Variants in OPHN1 observed in about 807,000 individuals in gnomAD.
The protein encoded by OPHN1 is oligophrenin 1, also known as oligophrenin-1.
A neutral mutation model predicts 60.7 loss-of-function variants in OPHN1; 11 were observed. The observed-to-expected ratio is 0.18, with a 90% CI of 0.11 to 0.30. The LOEUF (loss-of-function observed/expected upper bound fraction) is 0.30. Ranked by LOEUF, OPHN1 falls within the 10% of genes least tolerant of loss-of-function variation. The pLI, the probability that OPHN1 is intolerant of heterozygous loss-of-function variation, is 1.00. For missense variants in OPHN1, 449 were observed against 611.0 expected (o/e 0.73, Z 2.80); for synonymous variants, 226 against 222.6 (o/e 1.02, Z -0.14).
At chrX:68,189,859 T>C (rs756854387) in intron 15 of OPHN1, among the ~76,000 whole-genome samples, 32 of 110,462 alleles carry the variant, frequency 2.9e-4, no homozygotes, top group Non-Finnish European at 4.9e-4. Flanking sequence ...TAGTAAACGA[T>C]AGAAGAAAGC....
At chrX:68,420,883 G>A (rs1165192057) in intron 2 of OPHN1, among the ~76,000 whole-genome samples, 2 of 107,247 alleles carry the variant, frequency 1.9e-5, no homozygotes, top group East Asian at 5.8e-4. Flanking sequence ...TCTCAGCAAA[G>A]AGAGTTCCTG....
intron 2 of OPHN1, among the ~76,000 whole-genome samples, chrX:68,415,256 G>A (rs998373455): frequency 1.1e-4 from 12 of 111,822 alleles, no homozygotes; most frequent in Non-Finnish European, 1.9e-4. Context: ...AAGGTACCAT[G>A]AATAACATGA....
chrX:68,082,805 C>T (rs1039408171), intron 19 of OPHN1, among the ~76,000 whole-genome samples: 7 of 111,884 alleles, frequency 6.3e-5, no homozygotes, highest in Non-Finnish European at 9.4e-5. Flanking sequence ...TCCTGTGAAA[C>T]TTTGAACCCA....
intron 2 of OPHN1, among the ~76,000 whole-genome samples, chrX:68,358,868 A>C (rs1602352811): frequency 8.9e-6 from 1 of 111,896 alleles, no homozygotes; most frequent in Admixed American, 9.6e-5. Context: ...GTCCCAAATC[A>C]CACGACTGTT....
intron 19 of OPHN1, 99 bp from the exon 20 acceptor site, chrX:68,073,398 A>T (rs2076942197): frequency 1.4e-6 from 1 of 722,608 alleles, no homozygotes; most frequent in African/African-American, 2.1e-5. Context: ...TTATATCTAG[A>T]GTTTGTAACG....
intron 5 of OPHN1, among the ~76,000 whole-genome samples, chrX:68,258,061 G>A (rs2077873198): frequency 1.8e-5 from 2 of 109,285 alleles, no homozygotes; most frequent in African/African-American, 3.3e-5. Context: ...GGTTATAGAC[G>A]GGAAGAGAAA....
At chrX:68,115,095 G>A (rs758478641) in intron 16 of OPHN1, among the ~76,000 whole-genome samples, 64 of 112,325 alleles carry the variant, frequency 5.7e-4, no homozygotes, top group African/African-American at 1.9e-3. Context: ...GAGGTCTTCC[G>A]ATATTTCTTC....
In OPHN1 at chrX:68,206,808, G is replaced by A. The variant is rs111310466; in HGVS notation, c.833-135C>T. ...ATCCAGCCCTGCCCTTGCCCTGACC[G>A]CCCTCCTTCCATAGCCACCTACCTA... is the stretch of plus-strand genomic sequence containing the variant. On this transcript the variant is annotated intron_variant, in intron 9 of 24. Coordinates refer to ENST00000355520, the MANE Select transcript of OPHN1 (RefSeq NM_002547.3). 2.4e-3 allele frequency: 1,236 copies of A among 512,054 alleles called. 14 individuals carry two copies. The African/African-American group carries it at 0.025, about 11-fold the overall frequency. The allele number at this position is 512,054 out of a possible 1,213,427, so 42.2% of individuals were successfully genotyped here.
intron 20 of OPHN1, among the ~76,000 whole-genome samples, chrX:68,066,240 C>T (rs2076912761): frequency 8.9e-6 from 1 of 112,132 alleles, no homozygotes; most frequent in African/African-American, 3.2e-5. Context: ...CATGCTTTAG[C>T]CCAACATCTC....
intron 6 of OPHN1, among the ~76,000 whole-genome samples, chrX:68,225,912 C>T (rs540691009): frequency 5.4e-4 from 60 of 111,965 alleles, no homozygotes; most frequent in Middle Eastern, 4.6e-3. Context: ...TTCAGATGAT[C>T]GGTAATAACA....
intron 2 of OPHN1, among the ~76,000 whole-genome samples, chrX:68,377,016 G>A (rs759384011): frequency 4.1e-5 from 4 of 97,406 alleles, no homozygotes; most frequent in South Asian, 5.1e-4. Context: ...TGCAACCTCC[G>A]CCTCCCAGGT....
Position 68,273,578 on chromosome X carries a change from T to A in OPHN1, c.384+1160A>T, listed in dbSNP as rs73532162. On this transcript the variant is annotated intron_variant, in intron 5 of 24. Coordinates refer to ENST00000355520, the MANE Select transcript of OPHN1 (RefSeq NM_002547.3). The stretch of plus-strand genomic sequence containing the variant: ...ATTTTATCTGCACTGTCCAACACAG[T>A]AGCTACTAGACACAAGTGACTGCTG... Among the ~76,000 whole-genome samples the A allele has an allele frequency of 2.9e-4, 33 of 112,188 alleles. 1 individual carries two copies. The highest frequency in any genetic ancestry group is 2.8e-4 in the Admixed American group (3 of 10,541).
chrX:68,385,718 C>T (rs748441291), intron 2 of OPHN1, among the ~76,000 whole-genome samples: 31 of 111,759 alleles, frequency 2.8e-4, no homozygotes, highest in African/African-American at 9.4e-4. Flanking sequence ...CACACATATA[C>T]ACACACACAC....
intron 2 of OPHN1, among the ~76,000 whole-genome samples, chrX:68,380,725 T>A (rs1279609293): frequency 9.0e-6 from 1 of 111,661 alleles, no homozygotes; most frequent in South Asian, 3.7e-4. Flanking sequence ...TCAGTTTCCA[T>A]GTAGTAGAGT....
chrX:68,047,767 C>G lies in OPHN1; in HGVS notation c.*9-604G>C, dbSNP rs147655416. Among the ~76,000 whole-genome samples the G allele has an allele frequency of 8.9e-3, 996 of 112,143 alleles. 9 individuals are homozygous for G. Among genetic ancestry groups the G allele is most frequent in the African/African-American group, 0.031 (944 of 30,856 alleles). On this transcript the variant is annotated intron_variant, in intron 24 of 24. Coordinates refer to ENST00000355520, the MANE Select transcript of OPHN1 (RefSeq NM_002547.3). ...CTGTGACCTTTGCAAGTCACTTATC[C>G]CCTCTGAACTTCAGTTCCTTTATTT...
At chrX:68,389,607 AT>A (rs1192879041) in intron 2 of OPHN1, among the ~76,000 whole-genome samples, 2 of 105,190 alleles carry the variant, frequency 1.9e-5, no homozygotes, top group Non-Finnish European at 3.9e-5. Flanking sequence ...AAATAAATAA[AT>A]AAATAAAATG....
chrX:68,273,869 G>C (rs2077980741), intron 5 of OPHN1, among the ~76,000 whole-genome samples: 2 of 112,016 alleles, frequency 1.8e-5, no homozygotes, highest in South Asian at 7.5e-4. Context: ...TGGGCTCACA[G>C]TTCTGCAAGC....
intron 15 of OPHN1, among the ~76,000 whole-genome samples, chrX:68,174,034 T>A (rs2077403014): frequency 8.9e-6 from 1 of 111,796 alleles, no homozygotes; most frequent in African/African-American, 3.3e-5. Context: ...TTTTGAAAAA[T>A]CGCTGAGATT....
chrX:68,114,531 C>T (rs1286190156), intron 16 of OPHN1, among the ~76,000 whole-genome samples: 1 of 111,139 alleles, frequency 9.0e-6, no homozygotes, highest in Non-Finnish European at 1.9e-5. Flanking sequence ...GAGGCCAAGG[C>T]AGGAGGATCA....
Sources: gnomAD v4.1 joint callset for allele counts (sites outside exome capture counted in the v4.1 genomes callset) on GRCh38, gnomAD v4.1.1 for gene constraint, MANE v1.5 for transcripts, NCBI Gene and HGNC (gene_info 2026-07-23, HGNC 2026-07-21) for gene names.